ISY1: variants seen among roughly 807,000 people sequenced by gnomAD.
ISY1 encodes the protein ISY1 spliceosome associated protein, also known as pre-mRNA-splicing factor ISY1 homolog.
A neutral mutation model predicts 54.4 loss-of-function variants in ISY1; 12 were observed. The ratio of observed to expected loss-of-function variants is 0.22; its 90% CI spans 0.14 to 0.36. The LOEUF (loss-of-function observed/expected upper bound fraction) is 0.36, where lower values mean the gene tolerates loss of function less well. ISY1 is among the 10% of genes least tolerant of loss of function. The pLI is 1.00. For synonymous variants in ISY1, 96 were observed against 117.9 expected (o/e 0.81, Z 1.20); for missense variants, 282 against 342.2 (o/e 0.82, Z 1.39).
intron 6 of ISY1, among the ~76,000 whole-genome samples, chr3:129,140,730 C>A (rs971819680): frequency 1.3e-5 from 2 of 151,936 alleles, no homozygotes; most frequent in African/African-American, 4.8e-5. Flanking sequence ...GCCACCACGC[C>A]TGGCTAATTT....
intron 7 of ISY1, among the ~76,000 whole-genome samples, chr3:129,138,771 C>G (rs1189579989): frequency 6.8e-6 from 1 of 146,870 alleles, no homozygotes; most frequent in Admixed American, 6.9e-5. Context: ...GCCGAGATTG[C>G]ACAACTACAC....
chr3:129,130,105 T>C lies in ISY1; in HGVS notation c.834A>G (p.Glu278=), dbSNP rs572233178. 6.2e-7 allele frequency: 1 copy of C among 1,609,720 alleles called. No homozygotes were observed. Among genetic ancestry groups the C allele is most frequent in the Non-Finnish European group, 8.5e-7 (1 of 1,178,508 alleles). Residue 278 remains glutamate, a synonymous_variant, in exon 11 of 11, where the codon GAA becomes GAG. Transcript: ENST00000393295. Reference sequence around the variant, plus strand: ...CCTAATACCCCAGGAGCCTTCTGGCTTCTTCACTTTGGGCCTGCAGGGTCT... The same window carrying C: ...CCTAATACCCCAGGAGCCTTCTGGCCTCTTCACTTTGGGCCTGCAGGGTCT... ...ASETLQAQSE[E]ARRLLGY
Position 129,143,011 on chromosome 3 carries a change from CA to C in ISY1, c.301-2527del, listed in dbSNP as rs1391203396. Among the ~76,000 whole-genome samples, 5 of 152,106 alleles carry C rather than the reference CA, an allele frequency of 3.3e-5. No homozygotes were observed. The South Asian group carries it at 6.2e-4, about 19-fold the overall frequency. On this transcript the variant is annotated intron_variant, in intron 6 of 10. Coordinates refer to ENST00000393295, the MANE Select transcript of ISY1 (RefSeq NM_020701.4). ...GGGAGGTTGCAGTGAGTCGAAATCA[CA>C]CTCCTGCACTCCAGCCTGGGTGACA...
At chr3:129,157,823 T>C (rs1048834802) in intron 3 of ISY1, among the ~76,000 whole-genome samples, 2 of 151,152 alleles carry the variant, frequency 1.3e-5, no homozygotes, top group African/African-American at 4.9e-5. Flanking sequence ...TGGGGAGGTA[T>C]TGGAATTCAA....
chr3:129,138,490 T>C (rs545447732), intron 7 of ISY1, among the ~76,000 whole-genome samples: 4 of 147,798 alleles, frequency 2.7e-5, no homozygotes, highest in Admixed American at 6.8e-5. Flanking sequence ...AAAAAAAAAA[T>C]AAAATTAGCT....
intron 7 of ISY1, among the ~76,000 whole-genome samples, chr3:129,137,491 T>C (rs747460670): frequency 1.2e-4 from 18 of 152,032 alleles, no homozygotes; most frequent in Non-Finnish European, 2.6e-4. Flanking sequence ...ACCTAACATA[T>C]AGAGCATAAT....
chr3:129,152,523 C>T (rs1937005894), intron 5 of ISY1, among the ~76,000 whole-genome samples: 1 of 152,082 alleles, frequency 6.6e-6, no homozygotes. Flanking sequence ...CCTGCCTCAG[C>T]CTCCCAGGAA....
chr3:129,129,883 A>C lies in ISY1; in HGVS notation c.*198T>G. The C allele has an allele frequency of 2.2e-6, 1 of 447,762 alleles. No individual in the cohort carries two copies. Among genetic ancestry groups the C allele is most frequent in the Non-Finnish European group, 3.9e-6 (1 of 254,922 alleles). 27.7% of individuals were successfully genotyped at this position (447,762 alleles called of 1,614,324 possible). ...ACAATAAAAATAAATGGATCCACACAGTAGCAAAATATGTGTACAAAACCT... is the reference window on the plus strand; with the variant it reads ...ACAATAAAAATAAATGGATCCACACCGTAGCAAAATATGTGTACAAAACCT... On this transcript the variant is annotated 3_prime_UTR_variant, in exon 11 of 11. Transcript: ENST00000393295.
At chr3:129,156,761 AATACTT>A in intron 4 of ISY1, 86 bp from the exon 5 acceptor site, 1 of 1,562,536 alleles carries the variant, frequency 6.4e-7, no homozygotes. Context: ...AGTATTTAAA[AATACTT>A]AGACTTTTGG....
intron 9 of ISY1, among the ~76,000 whole-genome samples, chr3:129,132,849 C>T (rs1044126200): frequency 3.3e-5 from 5 of 152,252 alleles, no homozygotes; most frequent in Non-Finnish European, 7.3e-5. Flanking sequence ...GCACTGAACC[C>T]CAGTGCTGGC....
intron 1 of ISY1, 121 bp from the exon 2 acceptor site, chr3:129,159,297 A>G (rs1937236160): frequency 7.7e-7 from 1 of 1,291,570 alleles, no homozygotes; most frequent in Non-Finnish European, 1.1e-6. Context: ...TTGAAGTACT[A>G]TATGAACAAC....
chr3:129,159,127 T>C (rs766040383), intron 2 of ISY1, 27 bp downstream of exon 2: 65 of 1,603,530 alleles, frequency 4.1e-5, no homozygotes, highest in Non-Finnish European at 5.1e-5. Context: ...ACAAAAAATT[T>C]ACAGCCAAAA....
intron 5 of ISY1, among the ~76,000 whole-genome samples, chr3:129,149,386 C>A (rs1936866027): frequency 7.3e-6 from 1 of 137,084 alleles, no homozygotes; most frequent in Non-Finnish European, 1.5e-5. Flanking sequence ...TGAGATCACG[C>A]CACCACACTC....
intron 6 of ISY1, among the ~76,000 whole-genome samples, chr3:129,141,794 T>G (rs1936624946): frequency 6.6e-6 from 1 of 151,376 alleles, no homozygotes; most frequent in Non-Finnish European, 1.5e-5. Context: ...AATAAATAAA[T>G]AAAGATAAAA....
At position 129,156,859 on chromosome 3, in the gene ISY1, C is replaced by T; in HGVS notation, c.140G>A (p.Arg47Gln). The T allele has an allele frequency of 1.2e-6, 2 of 1,613,826 alleles. No homozygotes were observed. The highest frequency in any genetic ancestry group is 2.2e-5 in the East Asian group (1 of 44,848). ...TELPKAEKWR[R>Q]QIIGEISKKV... ...TCAGATTTACCCAGAACATACCTGT[C>T]GTCTCCACTTCTCAGCTTTAGGCAG... Residue 47 changes from arginine (R) to glutamine (Q), a missense_variant, in exon 4 of 11, where the codon CGA (arginine) becomes CAA (glutamine). Arg to Gln is a conservative substitution (Grantham distance 43). Transcript: ENST00000393295.
intron 5 of ISY1, among the ~76,000 whole-genome samples, chr3:129,156,025 AT>A (rs1301586800): frequency 1.3e-5 from 2 of 152,022 alleles, no homozygotes; most frequent in Admixed American, 6.6e-5. Flanking sequence ...CCGGCCTCAA[AT>A]ATTTTAAATT....
chr3:129,137,853 A>G (rs1281660798), intron 7 of ISY1, among the ~76,000 whole-genome samples: 1 of 146,718 alleles, frequency 6.8e-6, no homozygotes, highest in Non-Finnish European at 1.5e-5. Flanking sequence ...CAGAGCTTAC[A>G]GCAGTGTGCC....
Position 129,130,073 on chromosome 3 carries a change from G to C in ISY1, c.*8C>G, listed in dbSNP as rs1326573708. 8 of 1,576,570 alleles carry C rather than the reference G, an allele frequency of 5.1e-6. No homozygotes were observed. Among genetic ancestry groups the C allele is most frequent in the African/African-American group, 1.4e-5 (1 of 73,036 alleles). ...TGGAAGAACTCCAAGGAGAGCCCCA[G>C]CTGGGTCCTAATACCCCAGGAGCCT... On this transcript the variant is annotated 3_prime_UTR_variant, in exon 11 of 11. Coordinates refer to ENST00000393295, the MANE Select transcript of ISY1 (RefSeq NM_020701.4).
intron 6 of ISY1, among the ~76,000 whole-genome samples, chr3:129,141,173 C>T (rs1936595768): frequency 6.8e-6 from 1 of 147,768 alleles, no homozygotes; most frequent in South Asian, 2.1e-4. Context: ...CCACTGTACT[C>T]CAGCCAGGGC....
Sources: gnomAD v4.1 joint callset for allele counts (sites outside exome capture counted in the v4.1 genomes callset) on GRCh38, gnomAD v4.1.1 for gene constraint, MANE v1.5 for transcripts, NCBI Gene and HGNC (gene_info 2026-07-23, HGNC 2026-07-21) for gene names.